Variants in ZNF804A observed in about 807,000 individuals in gnomAD.
ZNF804A encodes the protein zinc finger protein 804A.
ZNF804A carries 2 observed loss-of-function variants against 16.5 expected under a neutral mutation model. The observed-to-expected ratio is 0.12, with a 90% CI of 0.05 to 0.38. ZNF804A has a LOEUF of 0.38. Ranked by LOEUF, ZNF804A falls within the 10% of genes least tolerant of loss-of-function variation. The pLI is 0.99. For synonymous variants in ZNF804A, 534 were observed against 489.6 expected, an observed-to-expected ratio of 1.09 and a Z score of -1.20; for missense variants, 1,473 against 1,390.7, an observed-to-expected ratio of 1.06 and a Z score of -0.94.
chr2:184,867,014 G>C (rs768319581), intron 2 of ZNF804A, among the ~76,000 whole-genome samples: 1 of 151,514 alleles, frequency 6.6e-6, no homozygotes, highest in South Asian at 2.1e-4. Flanking sequence ...TACTACAAAT[G>C]GTCCTAGGTT....
At position 184,811,416 on chromosome 2, in the gene ZNF804A, G is replaced by C. The variant is rs114199156; in HGVS notation, c.112-54953G>C. The stretch of plus-strand genomic sequence containing the variant: ...CTATTGTCAATTTTATCATAAACTG[G>C]TCAAATATGTATTACTAAGATTATT... On this transcript the variant is annotated intron_variant, in intron 1 of 3. Coordinates refer to ENST00000302277, the MANE Select transcript of ZNF804A (RefSeq NM_194250.2). Among the ~76,000 whole-genome samples, 885 of 150,684 alleles carry C rather than the reference G, an allele frequency of 5.9e-3. 12 individuals are homozygous for C. Among genetic ancestry groups the C allele is most frequent in the African/African-American group, 0.021 (845 of 40,938 alleles).
intron 1 of ZNF804A, among the ~76,000 whole-genome samples, chr2:184,668,693 A>G (rs1453867455): frequency 6.6e-6 from 1 of 152,018 alleles, no homozygotes; most frequent in African/African-American, 2.4e-5. Context: ...AATGATCAAG[A>G]TTGTAGAAGA....
chr2:184,897,184 G>A (rs1302773392), intron 2 of ZNF804A, among the ~76,000 whole-genome samples: 1 of 151,902 alleles, frequency 6.6e-6, no homozygotes, highest in African/African-American at 2.4e-5. Context: ...CTATGTTTTG[G>A]GGGGAAGAAA....
chr2:184,783,713 C>T (rs1019351356), intron 1 of ZNF804A, among the ~76,000 whole-genome samples: 10 of 151,898 alleles, frequency 6.6e-5, no homozygotes, highest in East Asian at 1.9e-4. Flanking sequence ...GGCAGAGCCA[C>T]GTATTCCACA....
At chr2:184,733,691 T>A (rs943969634) in intron 1 of ZNF804A, among the ~76,000 whole-genome samples, 2 of 152,188 alleles carry the variant, frequency 1.3e-5, no homozygotes, top group African/African-American at 4.8e-5. Flanking sequence ...TTAATTCAAT[T>A]TATTTAATAG....
At chr2:184,781,065 A>G (rs1310063552) in intron 1 of ZNF804A, among the ~76,000 whole-genome samples, 1 of 151,660 alleles carries the variant, frequency 6.6e-6, no homozygotes, top group Non-Finnish European at 1.5e-5. Context: ...GAAATGTGTG[A>G]TCTCTCATCC....
At chr2:184,820,108 C>A (rs917849459) in intron 1 of ZNF804A, among the ~76,000 whole-genome samples, 12 of 151,886 alleles carry the variant, frequency 7.9e-5, no homozygotes, top group Admixed American at 5.9e-4. Flanking sequence ...GGCAGATATA[C>A]AACAAACAAA....
intron 1 of ZNF804A, among the ~76,000 whole-genome samples, chr2:184,821,039 C>T (rs551922147): frequency 6.6e-6 from 1 of 152,110 alleles, no homozygotes; most frequent in East Asian, 1.9e-4. Context: ...TTATCATTGA[C>T]AGTCTTAAAA....
intron 1 of ZNF804A, among the ~76,000 whole-genome samples, chr2:184,625,570 T>C (rs1209692535): frequency 2.0e-5 from 3 of 152,090 alleles, no homozygotes; most frequent in Admixed American, 2.0e-4. Context: ...GATGGAGAAA[T>C]AAATAAGTAG....
intron 1 of ZNF804A, among the ~76,000 whole-genome samples, chr2:184,723,387 G>A (rs779125911): frequency 6.6e-6 from 1 of 151,700 alleles, no homozygotes; most frequent in Non-Finnish European, 1.5e-5. Flanking sequence ...AGAATAAGAT[G>A]ATTTTCAAAA....
At chr2:184,886,505 T>A (rs1395366917) in intron 2 of ZNF804A, among the ~76,000 whole-genome samples, 1 of 152,160 alleles carries the variant, frequency 6.6e-6, no homozygotes, top group Non-Finnish European at 1.5e-5. Flanking sequence ...GTGTGGGGGC[T>A]CCAATCCCAC....
At chr2:184,711,357 G>A (rs1413277914) in intron 1 of ZNF804A, among the ~76,000 whole-genome samples, 1 of 151,492 alleles carries the variant, frequency 6.6e-6, no homozygotes, top group East Asian at 1.9e-4. Context: ...TGGGATACTT[G>A]CTTTTTTGTT....
chr2:184,692,885 TA>T (rs917094109), intron 1 of ZNF804A, among the ~76,000 whole-genome samples: 7 of 151,840 alleles, frequency 4.6e-5, no homozygotes, highest in African/African-American at 1.5e-4. Context: ...TTCAGACAAA[TA>T]AAAAAAATAC....
intron 1 of ZNF804A, among the ~76,000 whole-genome samples, chr2:184,799,599 T>C (rs907210060): frequency 6.6e-6 from 1 of 152,182 alleles, no homozygotes; most frequent in African/African-American, 2.4e-5. Flanking sequence ...CACAGCTCAC[T>C]GTAACCTCCA....
intron 2 of ZNF804A, among the ~76,000 whole-genome samples, chr2:184,886,995 C>T (rs1034007254): frequency 9.2e-5 from 14 of 152,320 alleles, no homozygotes; most frequent in Admixed American, 1.3e-4. Flanking sequence ...CCCCAGAAAA[C>T]GAGATTTTCC....
At chr2:184,887,571 A>G (rs1047165501) in intron 2 of ZNF804A, among the ~76,000 whole-genome samples, 4 of 152,194 alleles carry the variant, frequency 2.6e-5, no homozygotes, top group African/African-American at 9.6e-5. Context: ...ACAGTTCCAA[A>G]TAGCTGGTGA....
chr2:184,841,342 A>T (rs1392488451), intron 1 of ZNF804A, among the ~76,000 whole-genome samples: 1 of 152,192 alleles, frequency 6.6e-6, no homozygotes, highest in Non-Finnish European at 1.5e-5. Flanking sequence ...ACAGAATTTC[A>T]AAACCATCTT....
At chr2:184,699,547 A>C (rs1280583878) in intron 1 of ZNF804A, among the ~76,000 whole-genome samples, 1 of 152,098 alleles carries the variant, frequency 6.6e-6, no homozygotes, top group African/African-American at 2.4e-5. Flanking sequence ...TATTCACAGT[A>C]TGTAAGTAGT....
chr2:184,748,506 C>T (rs1269909929), intron 1 of ZNF804A, among the ~76,000 whole-genome samples: 1 of 151,006 alleles, frequency 6.6e-6, no homozygotes, highest in African/African-American at 2.4e-5. Flanking sequence ...TGTTTAAGTT[C>T]CTTTTAGATT....
Sources: gnomAD v4.1 joint callset for allele counts (sites outside exome capture counted in the v4.1 genomes callset) on GRCh38, gnomAD v4.1.1 for gene constraint, MANE v1.5 for transcripts, NCBI Gene and HGNC (gene_info 2026-07-23, HGNC 2026-07-21) for gene names.